The following LRRC55 variants were observed in gnomAD, a reference collection of about 807,000 sequenced individuals.
The protein encoded by LRRC55 is leucine rich repeat containing 55.
LRRC55 carries 11 observed loss-of-function variants against 20.5 expected under a neutral mutation model. The ratio of observed to expected loss-of-function variants is 0.54; its 90% CI spans 0.34 to 0.89. LRRC55 has a LOEUF of 0.89. Among genes scored for constraint, LRRC55 ranks in the 40% least tolerant of loss-of-function variants. The pLI is 0.02. For missense variants in LRRC55, 358 were observed against 390.9 expected (o/e 0.92, Z 0.71); for synonymous variants, 188 against 166.6 (o/e 1.13, Z -0.99).
At chr11:57,184,303 G>T (rs554132405) in intron 1 of LRRC55, among the ~76,000 whole-genome samples, 1 of 152,168 alleles carries the variant, frequency 6.6e-6, no homozygotes, top group Non-Finnish European at 1.5e-5. Context: ...ATTACACCCA[G>T]GGACTCCTTT....
rs1460400095 is a variant in LRRC55, at chr11:57,190,677, G to A, written c.*3197G>A. On this transcript the variant is annotated 3_prime_UTR_variant, in exon 2 of 2. Transcript: ENST00000497933. ...AACTTGGGTTCAGTTCTCTGACATA[G>A]TCCACTCAGCCATAGGCTGAGTGGC... 2 of 152,268 alleles carry A rather than the reference G, an allele frequency of 1.3e-5. No individual in the cohort carries two copies. The highest frequency in any genetic ancestry group is 2.4e-5 in the African/African-American group (1 of 41,556). The allele number at this position is 152,268 out of a possible 1,614,324, so 9.4% of individuals were successfully genotyped here.
chr11:57,182,232 C>G lies in LRRC55; in HGVS notation c.210C>G (p.Leu70=), dbSNP rs766212280. The change falls in exon 1 of 2, where the codon CTC becomes CTG. Residue 70 remains leucine, a synonymous_variant. Transcript: ENST00000497933. ...ACCTGCCAATGGACACCCGAAACCTCAGCCTGGCCCACAACCGCATCACAG... is the reference window on the plus strand; with the variant it reads ...ACCTGCCAATGGACACCCGAAACCTGAGCCTGGCCCACAACCGCATCACAG... ...PPDLPMDTRN[L]SLAHNRITAV... 6 of 1,614,108 alleles carry G rather than the reference C, an allele frequency of 3.7e-6. No individual in the cohort carries two copies. In the South Asian group the frequency reaches 6.6e-5, roughly 18 times the overall value.
chr11:57,183,263 G>A (rs537996023), intron 1 of LRRC55, among the ~76,000 whole-genome samples: 4 of 152,150 alleles, frequency 2.6e-5, no homozygotes, highest in Non-Finnish European at 5.9e-5. Flanking sequence ...GGAAACTCTC[G>A]TATAAATAGT....
At chr11:57,182,798 A>T (rs1326130128) in intron 1 of LRRC55, 115 bp downstream of exon 1, 3 of 1,113,566 alleles carry the variant, frequency 2.7e-6, no homozygotes, top group Non-Finnish European at 3.6e-6. Context: ...GCATTTTCTA[A>T]TGTGGGCTTG....
In LRRC55 at chr11:57,187,629, T is replaced by C; in HGVS notation, c.*149T>C. On this transcript the variant is annotated 3_prime_UTR_variant, in exon 2 of 2. Coordinates refer to ENST00000497933, the MANE Select transcript of LRRC55 (RefSeq NM_001005210.4). Reference sequence around the variant, plus strand: ...TGGGGACACTCATTTTGTATGAGCATCTGCTTTGGGCCAGGCGGCACGCTA... The same window carrying C: ...TGGGGACACTCATTTTGTATGAGCACCTGCTTTGGGCCAGGCGGCACGCTA... 1 of 763,300 alleles carries C rather than the reference T, an allele frequency of 1.3e-6. No homozygotes were observed. The highest frequency in any genetic ancestry group is 2.2e-6 in the Non-Finnish European group (1 of 456,826). The allele number at this position is 763,300 out of a possible 1,614,324, so 47.3% of individuals were successfully genotyped here.
At chr11:57,186,668 T>A (rs1854435075) in intron 1 of LRRC55, among the ~76,000 whole-genome samples, 1 of 152,140 alleles carries the variant, frequency 6.6e-6, no homozygotes, top group African/African-American at 2.4e-5. Flanking sequence ...CACTCTGAGA[T>A]CATGGAAGGA....
At chr11:57,183,844 G>A (rs1020876518) in intron 1 of LRRC55, among the ~76,000 whole-genome samples, 1 of 152,212 alleles carries the variant, frequency 6.6e-6, no homozygotes, top group African/African-American at 2.4e-5. Context: ...CCAACCCAGT[G>A]GCATCTGAGC....
In LRRC55 at chr11:57,182,458, C is replaced by T. The variant is rs1364564764; in HGVS notation, c.436C>T (p.His146Tyr). The change falls in exon 1 of 2, where the codon CAC (histidine) becomes TAC (tyrosine). Residue 146 changes from histidine to tyrosine, a missense_variant. Around this residue, in one of 3 missense-constraint regions of LRRC55, gnomAD observed 178 missense variants for 207.9 expected, o/e 0.86. Coordinates refer to ENST00000497933, the MANE Select transcript of LRRC55 (RefSeq NM_001005210.4). The stretch of plus-strand genomic sequence containing the variant: ...TGGGCTAGTCCACATCGACCTGAGC[C>T]ACAACCCCTGGCTGCGGAGGGTGCA... ...AHGLVHIDLS[H>Y]NPWLRRVHPQ... 1 of 1,611,430 alleles carries T rather than the reference C, an allele frequency of 6.2e-7. No homozygotes were observed. Among genetic ancestry groups the T allele is most frequent in the Non-Finnish European group, 8.5e-7 (1 of 1,179,648 alleles).
intron 1 of LRRC55, 79 bp downstream of exon 1, chr11:57,182,762 G>C: frequency 2.9e-6 from 4 of 1,362,620 alleles, no homozygotes; most frequent in Non-Finnish European, 3.8e-6. Context: ...GAAAGCGGGG[G>C]AACTTAGAGC....
At chr11:57,185,833 C>A (rs540692585) in intron 1 of LRRC55, among the ~76,000 whole-genome samples, 3 of 151,874 alleles carry the variant, frequency 2.0e-5, no homozygotes, top group Non-Finnish European at 4.4e-5. Context: ...TAAAAGTGAC[C>A]CCAGAAGAAT....
chr11:57,182,112 G>A lies in LRRC55; in HGVS notation c.90G>A (p.Met30Ile). 6.2e-7 allele frequency: 1 copy of A among 1,614,166 alleles called. No homozygotes were observed. The change falls in exon 1 of 2, where the codon ATG (methionine) becomes ATA (isoleucine). Residue 30 changes from methionine to isoleucine, a missense_variant. Physicochemically the swap from Met to Ile is conservative, Grantham distance 10 (BLOSUM62 1). Coordinates refer to ENST00000497933, the MANE Select transcript of LRRC55 (RefSeq NM_001005210.4). ...LISLLLAAGLMHSDAGTSCPV... is the reference protein window; with the variant it reads ...LISLLLAAGLIHSDAGTSCPV... ...CCCTCCTCTTGGCAGCCGGGTTGAT[G>A]CACTCGGATGCCGGCACCAGCTGCC...
chr11:57,188,890 T>C lies in LRRC55; in HGVS notation c.*1410T>C, dbSNP rs1458646325. The C allele has an allele frequency of 6.6e-6, 1 of 152,220 alleles. No homozygotes were observed. The highest frequency in any genetic ancestry group is 1.5e-5 in the Non-Finnish European group (1 of 68,040). 9.4% of individuals were successfully genotyped at this position (152,220 alleles called of 1,614,324 possible). On this transcript the variant is annotated 3_prime_UTR_variant, in exon 2 of 2. Coordinates refer to ENST00000497933, the MANE Select transcript of LRRC55 (RefSeq NM_001005210.4). ...GTTTTTATTATCCCCATTTGACAGATGAATTAATCGTAGAGAGTTGAGTGA... is the reference window on the plus strand; with the variant it reads ...GTTTTTATTATCCCCATTTGACAGACGAATTAATCGTAGAGAGTTGAGTGA...
chr11:57,187,392 T>C lies in LRRC55; in HGVS notation c.809T>C (p.Ile270Thr), dbSNP rs1305498476. ...FIAFVGFVVS[I>T]ASVATNFLLG... ...GCGTTCGTGGGCTTCGTGGTCTCCATTGCTTCTGTGGCCACCAACTTCCTC... is the reference window on the plus strand; with the variant it reads ...GCGTTCGTGGGCTTCGTGGTCTCCACTGCTTCTGTGGCCACCAACTTCCTC... Residue 270 changes from isoleucine to threonine, a missense_variant, in exon 2 of 2, where the codon ATT (isoleucine) becomes ACT (threonine). Coordinates refer to ENST00000497933, the MANE Select transcript of LRRC55 (RefSeq NM_001005210.4). The C allele has an allele frequency of 6.8e-6, 11 of 1,614,224 alleles. No individual in the cohort carries two copies. Among genetic ancestry groups the C allele is most frequent in the Non-Finnish European group, 9.3e-6 (11 of 1,180,032 alleles).
At chr11:57,183,520 A>T (rs1258319587) in intron 1 of LRRC55, among the ~76,000 whole-genome samples, 2 of 152,212 alleles carry the variant, frequency 1.3e-5, no homozygotes, top group Non-Finnish European at 2.9e-5. Flanking sequence ...TGAAGCCAGG[A>T]TTTGAGTCCT....
chr11:57,187,265 C>A lies in LRRC55; in HGVS notation c.682C>A (p.Arg228=). 1 of 1,613,838 alleles carries A rather than the reference C, an allele frequency of 6.2e-7. No homozygotes were observed. Among genetic ancestry groups the A allele is most frequent in the South Asian group, 1.1e-5 (1 of 91,068 alleles). The change falls in exon 2 of 2, where the codon CGG becomes AGG. Residue 228 remains arginine, a synonymous_variant. Coordinates refer to ENST00000497933, the MANE Select transcript of LRRC55 (RefSeq NM_001005210.4). ...TACAGATTCTCAGCTGGCTGAGTGC[C>A]GGGGCCCTCCTGAAGTCGAGGGCGC... ...CTADSQLAEC[R]GPPEVEGAPL...
chr11:57,190,931 C>T lies in LRRC55; in HGVS notation c.*3451C>T, dbSNP rs1854501330. The T allele has an allele frequency of 6.6e-6, 1 of 152,074 alleles. No individual in the cohort carries two copies. Among genetic ancestry groups the T allele is most frequent in the Non-Finnish European group, 1.5e-5 (1 of 68,008 alleles). 9.4% of individuals were successfully genotyped at this position (152,074 alleles called of 1,614,324 possible). ...TGTGGCAGAGGCATCCTAATGAGAA[C>T]CTGACTTCTCCTTGCTTCCCTCTGC... On this transcript the variant is annotated 3_prime_UTR_variant, in exon 2 of 2. Coordinates refer to ENST00000497933, the MANE Select transcript of LRRC55 (RefSeq NM_001005210.4).
chr11:57,183,902 C>G (rs919897826), intron 1 of LRRC55, among the ~76,000 whole-genome samples: 1 of 152,210 alleles, frequency 6.6e-6, no homozygotes, highest in Admixed American at 6.5e-5. Flanking sequence ...GCCACCAGCT[C>G]TCCTGTGTGA....
At position 57,191,066 on chromosome 11, in the gene LRRC55, T is replaced by G. The variant is rs1211703767; in HGVS notation, c.*3586T>G. 6.6e-6 allele frequency: 1 copy of G among 152,182 alleles called. No homozygotes were observed. Among genetic ancestry groups the G allele is most frequent in the Non-Finnish European group, 1.5e-5 (1 of 68,042 alleles). The allele number at this position is 152,182 out of a possible 1,614,324, so 9.4% of individuals were successfully genotyped here. On this transcript the variant is annotated 3_prime_UTR_variant, in exon 2 of 2. Coordinates refer to ENST00000497933, the MANE Select transcript of LRRC55 (RefSeq NM_001005210.4). ...AGATTTGGGCCAAGAAAATTCCTTT[T>G]TAGAAGAGCCCTCATATCTGAATCA... is the stretch of plus-strand genomic sequence containing the variant.
chr11:57,188,362 C>G lies in LRRC55; in HGVS notation c.*882C>G, dbSNP rs763965504. ...ACAGTGCTCATGCCACAGGGTCTCA[C>G]CAGGAAAGTGCACTGTGGGCCACAG... is the stretch of plus-strand genomic sequence containing the variant. On this transcript the variant is annotated 3_prime_UTR_variant, in exon 2 of 2. Transcript: ENST00000497933. 6.5e-6 allele frequency: 1 copy of G among 152,714 alleles called. No homozygotes were observed. Among genetic ancestry groups the G allele is most frequent in the Non-Finnish European group, 1.5e-5 (1 of 68,116 alleles). The allele number at this position is 152,714 out of a possible 1,614,324, so 9.5% of individuals were successfully genotyped here. A position where few individuals can be genotyped will look rare whatever the true frequency, so the allele number is the denominator to read the frequency against.
Sources: gnomAD v4.1 joint callset for allele counts (sites outside exome capture counted in the v4.1 genomes callset) on GRCh38, gnomAD v4.1.1 for gene constraint, gnomAD v4.1.1 regional missense constraint, MANE v1.5 for transcripts, NCBI Gene and HGNC (gene_info 2026-07-23, HGNC 2026-07-21) for gene names.